The following EDAR variants were observed in gnomAD, a reference collection of about 807,000 sequenced individuals.
EDAR encodes tumor necrosis factor receptor superfamily member EDAR.
A neutral mutation model predicts 51.3 loss-of-function variants in EDAR; 38 were observed. That is an observed-to-expected ratio of 0.74 (90% CI 0.57 to 0.97). The LOEUF (loss-of-function observed/expected upper bound fraction) is 0.97. Among genes scored for constraint, EDAR ranks in the 50% least tolerant of loss-of-function variants. The pLI is 0.00. For synonymous variants in EDAR, 227 were observed against 242.1 expected (o/e 0.94, Z 0.58); for missense variants, 528 against 595.0 (o/e 0.89, Z 1.17).
intron 5 of EDAR, among the ~76,000 whole-genome samples, chr2:108,920,008 C>T (rs1386432412): frequency 1.3e-5 from 2 of 152,250 alleles, no homozygotes; most frequent in African/African-American, 4.8e-5. Context: ...CCTCTTGCCT[C>T]TGCCTTCTGC....
intron 11 of EDAR, among the ~76,000 whole-genome samples, chr2:108,904,903 A>G (rs1232009556): frequency 2.6e-5 from 4 of 152,192 alleles, no homozygotes; most frequent in African/African-American, 7.2e-5. Flanking sequence ...TGTCAATATC[A>G]GTGTCCTGGT....
rs143471570 is a variant in EDAR at position 108,929,327 on chromosome 2, G to T, written c.227C>A (p.Ala76Glu). 2 of 1,614,096 alleles carry T rather than the reference G, an allele frequency of 1.2e-6. No homozygotes were observed. Among genetic ancestry groups the T allele is most frequent in the Admixed American group, 3.3e-5 (2 of 60,020 alleles). Residue 76 changes from alanine to glutamate, a missense_variant, in exon 4 of 12, where the codon GCG (alanine) becomes GAG (glutamate). Ala to Glu is a moderately radical substitution (Grantham distance 107). Coordinates refer to ENST00000258443, the MANE Select transcript of EDAR (RefSeq NM_022336.4). ...DEDYGCVPCPAEKFSKGGYQI... is the reference protein window; with the variant it reads ...DEDYGCVPCPEEKFSKGGYQI... ...GTAGCCTCCTTTGGAAAACTTCTCC[G>T]CCGGGCAGGGGACGCAGCCGTAGTC...
At chr2:108,917,271 G>A (rs1697045462) in intron 5 of EDAR, among the ~76,000 whole-genome samples, 1 of 152,166 alleles carries the variant, frequency 6.6e-6, no homozygotes, top group Admixed American at 6.5e-5. Context: ...GCAGAACAGA[G>A]GTGGGGAAGG....
intron 9 of EDAR, 88 bp from the exon 10 acceptor site, chr2:108,908,107 C>A: frequency 2.9e-6 from 4 of 1,403,288 alleles, no homozygotes; most frequent in South Asian, 2.9e-5. Flanking sequence ...GTCCATTGCC[C>A]AGCTGTGGAC....
intron 1 of EDAR, among the ~76,000 whole-genome samples, chr2:108,987,767 C>T (rs1413614955): frequency 2.0e-5 from 3 of 152,224 alleles, no homozygotes; most frequent in East Asian, 1.9e-4. Flanking sequence ...GAAGGGTACA[C>T]GTGGACTGTC....
At chr2:108,955,798 G>C (rs1269004282) in intron 1 of EDAR, among the ~76,000 whole-genome samples, 3 of 152,144 alleles carry the variant, frequency 2.0e-5, no homozygotes, top group Non-Finnish European at 4.4e-5. Flanking sequence ...AGGCCGAGGC[G>C]GGCAGACCAC....
In EDAR at chr2:108,908,042, C is replaced by A; in HGVS notation, c.804-23G>T. On this transcript the variant is annotated intron_variant, in intron 9 of 11. Transcript: ENST00000258443. ...TCGCTGCAAAAACAAGAGCGATGGT[C>A]ATTAGCAGTGCCTGGGGGGGCTGCA... is the stretch of plus-strand genomic sequence containing the variant. 1.9e-6 allele frequency: 3 copies of A among 1,594,870 alleles called. No individual in the cohort carries two copies. In the South Asian group the frequency reaches 3.4e-5, roughly 18 times the overall value.
At chr2:108,900,982 A>T (rs907540614) in intron 11 of EDAR, among the ~76,000 whole-genome samples, 2 of 152,206 alleles carry the variant, frequency 1.3e-5, no homozygotes, top group African/African-American at 4.8e-5. Flanking sequence ...TAAATGATAG[A>T]ACAATTAGAA....
intron 4 of EDAR, among the ~76,000 whole-genome samples, chr2:108,927,984 AC>A (rs936736656): frequency 4.7e-5 from 7 of 148,800 alleles, no homozygotes; most frequent in African/African-American, 1.7e-4. Flanking sequence ...CCTCTCCTCC[AC>A]CCCCGGTGCC....
intron 1 of EDAR, among the ~76,000 whole-genome samples, chr2:108,971,022 G>A (rs1698223412): frequency 1.3e-5 from 2 of 152,134 alleles, no homozygotes; most frequent in South Asian, 4.1e-4. Context: ...GTGGACCTGA[G>A]GGGACAGGGG....
At chr2:108,974,814 G>A (rs1698294467) in intron 1 of EDAR, among the ~76,000 whole-genome samples, 1 of 152,166 alleles carries the variant, frequency 6.6e-6, no homozygotes, top group Non-Finnish European at 1.5e-5. Flanking sequence ...GAAATAGCCA[G>A]CAAATGGCAG....
chr2:108,941,424 C>G (rs1697591661), intron 1 of EDAR, among the ~76,000 whole-genome samples: 2 of 152,150 alleles, frequency 1.3e-5, no homozygotes, highest in South Asian at 4.1e-4. Context: ...AGCCTTCCTC[C>G]CAGTCACCAG....
At chr2:108,965,488 A>G (rs1443416931) in intron 1 of EDAR, among the ~76,000 whole-genome samples, 1 of 151,992 alleles carries the variant, frequency 6.6e-6, no homozygotes, top group African/African-American at 2.4e-5. Context: ...AAGATAATAA[A>G]TGACCCAGTT....
At chr2:108,933,364 A>T (rs1369787185) in intron 1 of EDAR, among the ~76,000 whole-genome samples, 1 of 152,284 alleles carries the variant, frequency 6.6e-6, no homozygotes, top group African/African-American at 2.4e-5. Context: ...ATTCTGTGAT[A>T]AAGGAAAAAG....
chr2:108,920,646 A>C (rs1697118203), intron 5 of EDAR, among the ~76,000 whole-genome samples: 1 of 152,200 alleles, frequency 6.6e-6, no homozygotes, highest in African/African-American at 2.4e-5. Context: ...CTGATCTGCA[A>C]TCTGACGCCT....
At chr2:108,949,286 T>C (rs1005501269) in intron 1 of EDAR, among the ~76,000 whole-genome samples, 21 of 152,194 alleles carry the variant, frequency 1.4e-4, no homozygotes, top group Admixed American at 5.2e-4. Context: ...CTGGCTAACA[T>C]AGGCTATTTT....
At chr2:108,897,291 G>C (rs1175929905) in intron 11 of EDAR, 62 bp from the exon 12 acceptor site, 3 of 1,435,154 alleles carry the variant, frequency 2.1e-6, no homozygotes, top group Non-Finnish European at 2.9e-6. Flanking sequence ...GGTCAACACT[G>C]AAAAATTATT....
chr2:108,909,251 G>A (rs1222394195), intron 9 of EDAR, among the ~76,000 whole-genome samples: 1 of 152,320 alleles, frequency 6.6e-6, no homozygotes, highest in Admixed American at 6.5e-5. Flanking sequence ...ATATCAGAAG[G>A]GAGAGGCTGA....
intron 11 of EDAR, 134 bp from the exon 12 acceptor site, chr2:108,897,363 AC>A (rs1303307002): frequency 2.3e-6 from 2 of 873,948 alleles, no homozygotes; most frequent in Non-Finnish European, 3.6e-6. Flanking sequence ...GCAGAAAGCC[AC>A]CTAAAACAAA....
Sources: allele counts gnomAD v4.1 joint callset (sites outside exome capture counted in the v4.1 genomes callset), GRCh38; gene constraint gnomAD v4.1.1; transcripts MANE v1.5; gene names NCBI Gene and HGNC (gene_info 2026-07-23, HGNC 2026-07-21).